The following PRKN variants were observed in gnomAD, a reference collection of about 807,000 sequenced individuals.
The protein encoded by PRKN is parkin RBR E3 ubiquitin protein ligase.
In PRKN, 56 loss-of-function variants were observed where a neutral mutation model predicts 59.5. That is an observed-to-expected ratio of 0.94 (90% CI 0.76 to 1.18). PRKN has a LOEUF of 1.18. PRKN is among the 50% of genes most tolerant of loss of function. The probability of loss-of-function intolerance (pLI) is 0.00; values close to 1 mark genes in which losing one functional copy is unlikely to be tolerated. For missense variants in PRKN, 657 were observed against 596.4 expected, an observed-to-expected ratio of 1.10 and a Z score of -1.06; for synonymous variants, 250 against 222.1, an observed-to-expected ratio of 1.13 and a Z score of -1.12.
chr6:162,442,556 C>T (rs551175777), intron 2 of PRKN, among the ~76,000 whole-genome samples: 129 of 152,288 alleles, frequency 8.5e-4, no homozygotes, highest in Admixed American at 1.5e-3. Context: ...CTAATTCCTA[C>T]AAAAATCACC....
chr6:161,769,531 A>T (rs971968601), intron 7 of PRKN, among the ~76,000 whole-genome samples: 1 of 152,166 alleles, frequency 6.6e-6, no homozygotes, highest in African/African-American at 2.4e-5. Context: ...AGAGGCTGCC[A>T]GATGTCCGCC....
chr6:162,300,401 T>C (rs112231544), intron 2 of PRKN, among the ~76,000 whole-genome samples: 4 of 152,288 alleles, frequency 2.6e-5, no homozygotes, highest in East Asian at 1.9e-4. Context: ...TTAAATATCT[T>C]TGGGAGCTCA....
At chr6:162,547,995 G>A (rs1562374428) in intron 1 of PRKN, among the ~76,000 whole-genome samples, 3 of 152,104 alleles carry the variant, frequency 2.0e-5, no homozygotes, top group South Asian at 4.1e-4. Flanking sequence ...AGCAGGGATC[G>A]AGACACCATT....
intron 8 of PRKN, among the ~76,000 whole-genome samples, chr6:161,556,749 A>G (rs1057146824): frequency 6.6e-6 from 1 of 152,208 alleles, no homozygotes; most frequent in African/African-American, 2.4e-5. Context: ...GCATTTTATA[A>G]ACAGACTAAC....
Position 161,357,141 on chromosome 6 carries a change from T to C in PRKN, c.1285+2947A>G, listed in dbSNP as rs573491353. Among the ~76,000 whole-genome samples the C allele has an allele frequency of 1.4e-5, 2 of 143,672 alleles. No individual in the cohort carries two copies. Among genetic ancestry groups the C allele is most frequent in the East Asian group, 4.3e-4 (2 of 4,656 alleles). The allele number at this position is 143,672 out of a possible 152,430, so 94.3% of individuals were successfully genotyped here. A position where few individuals can be genotyped will look rare whatever the true frequency, so the allele number is the denominator to read the frequency against. ...ATCTCAGCTCACTGCAAATTCCGCCTCCCAGGTTCAAGTAATTCTCCTGCC... is the reference window on the plus strand; with the variant it reads ...ATCTCAGCTCACTGCAAATTCCGCCCCCCAGGTTCAAGTAATTCTCCTGCC... On this transcript the variant is annotated intron_variant, in intron 11 of 11. Coordinates refer to ENST00000366898, the MANE Select transcript of PRKN (RefSeq NM_004562.3). The surrounding 1 kb of genome is among the most constrained non-coding windows in gnomAD (Gnocchi z 5.5).
intron 6 of PRKN, among the ~76,000 whole-genome samples, chr6:161,899,027 G>A (rs370919322): frequency 2.4e-4 from 36 of 152,318 alleles, no homozygotes; most frequent in South Asian, 1.2e-3. Flanking sequence ...CCAAAGCATC[G>A]CTTACTTGAG....
intron 1 of PRKN, among the ~76,000 whole-genome samples, chr6:162,461,824 T>TAAAA (rs72377172): frequency 7.2e-6 from 1 of 139,454 alleles, no homozygotes. Context: ...AGACTTCGTC[T>TAAAA]AAAAAAAAAA....
chr6:162,563,383 G>A (rs963968361), intron 1 of PRKN, among the ~76,000 whole-genome samples: 1 of 151,888 alleles, frequency 6.6e-6, no homozygotes, highest in Admixed American at 6.6e-5. Context: ...TGGTAATCAA[G>A]AGAATTATCA....
chr6:162,295,996 A>G (rs1781657241), intron 2 of PRKN, among the ~76,000 whole-genome samples: 1 of 152,222 alleles, frequency 6.6e-6, no homozygotes, highest in South Asian at 2.1e-4. Flanking sequence ...ATAAAAAGAT[A>G]TATCCCATGA....
intron 6 of PRKN, among the ~76,000 whole-genome samples, chr6:161,962,485 T>G (rs2128248856): frequency 6.6e-6 from 1 of 151,960 alleles, no homozygotes; most frequent in Non-Finnish European, 1.5e-5. Flanking sequence ...ACACAAAGCT[T>G]AACTGTTAAC....
At chr6:161,615,137 T>G (rs1325509049) in intron 7 of PRKN, among the ~76,000 whole-genome samples, 2 of 152,194 alleles carry the variant, frequency 1.3e-5, no homozygotes, top group African/African-American at 2.4e-5. Context: ...CTGTAATTTC[T>G]TTTGCACCAA....
Position 161,372,379 on chromosome 6 carries a change from A to G in PRKN, c.1168-12174T>C, listed in dbSNP as rs1224697040. ...ACTAATAGGATGTGAGAGGGGTCAA[A>G]GCCGACCACAGAGCCTACCTTTTGT... On this transcript the variant is annotated intron_variant, in intron 10 of 11. Transcript: ENST00000366898. The surrounding 1 kb of genome is among the most constrained non-coding windows in gnomAD (Gnocchi z 4.2). Among the ~76,000 whole-genome samples the G allele has an allele frequency of 6.6e-6, 1 of 152,198 alleles. No homozygotes were observed. The highest frequency in any genetic ancestry group is 2.4e-5 in the African/African-American group (1 of 41,450).
chr6:161,445,351 G>A lies in PRKN; in HGVS notation c.1084-58474C>T, dbSNP rs1280332556. Among the ~76,000 whole-genome samples the A allele has an allele frequency of 6.6e-6, 1 of 152,158 alleles. No homozygotes were observed. The highest frequency in any genetic ancestry group is 1.5e-5 in the Non-Finnish European group (1 of 68,032). ...CTTGGGCTGGAATGCAGTTGCTGGGGGCTCATGAGGGGCTCAGTGGTGCCC... is the reference window on the plus strand; with the variant it reads ...CTTGGGCTGGAATGCAGTTGCTGGGAGCTCATGAGGGGCTCAGTGGTGCCC... On this transcript the variant is annotated intron_variant, in intron 9 of 11. Coordinates refer to ENST00000366898, the MANE Select transcript of PRKN (RefSeq NM_004562.3). The surrounding 1 kb of genome is among the most constrained non-coding windows in gnomAD (Gnocchi z 7.7).
intron 6 of PRKN, among the ~76,000 whole-genome samples, chr6:161,870,757 C>T (rs62438264): frequency 0.011 from 1,645 of 152,196 alleles, 13 homozygotes; most frequent in Non-Finnish European, 0.019. Context: ...TATGTGCCAG[C>T]GACAGTGCCA....
At position 161,357,616 on chromosome 6, in the gene PRKN, C is replaced by T. The variant is rs138584967; in HGVS notation, c.1285+2472G>A. Among the ~76,000 whole-genome samples the T allele has an allele frequency of 1.6e-3, 248 of 152,310 alleles. No individual in the cohort carries two copies. Among genetic ancestry groups the T allele is most frequent in the African/African-American group, 5.8e-3 (243 of 41,562 alleles). On this transcript the variant is annotated intron_variant, in intron 11 of 11. Coordinates refer to ENST00000366898, the MANE Select transcript of PRKN (RefSeq NM_004562.3). This position sits in a 1 kb window ranked among gnomAD's most constrained non-coding sequence, Gnocchi z 5.5. ...AGAAAAGCATAAAAAGAAATAAAGTCCTCTTTGGTCCTGTTATGCCTAGAG... is the reference window on the plus strand; with the variant it reads ...AGAAAAGCATAAAAAGAAATAAAGTTCTCTTTGGTCCTGTTATGCCTAGAG...
In PRKN at chr6:161,840,720, CCT is replaced by C. The variant is rs537421176; in HGVS notation, c.735-54814_735-54813del. On this transcript the variant is annotated intron_variant, in intron 6 of 11. Transcript: ENST00000366898. ...AAAATGTGGTATTTGGTTTTCTGTCCCTGTTTTAGTTTGCTAAGGATAATGGC... is the reference window on the plus strand; with the variant it reads ...AAAATGTGGTATTTGGTTTTCTGTCCGTTTTAGTTTGCTAAGGATAATGGC... Among the ~76,000 whole-genome samples the C allele has an allele frequency of 2.2e-3, 328 of 152,190 alleles. 1 individual carries two copies. Among genetic ancestry groups the C allele is most frequent in the African/African-American group, 7.4e-3 (306 of 41,520 alleles).
At position 161,860,962 on chromosome 6, in the gene PRKN, A is replaced by G. The variant is rs184381058; in HGVS notation, c.735-75054T>C. On this transcript the variant is annotated intron_variant, in intron 6 of 11. Coordinates refer to ENST00000366898, the MANE Select transcript of PRKN (RefSeq NM_004562.3). ...CTGGCAAAGCTGTGGAGAAAAAGGAATGCTCTTACACTGTTGGTGGGAGTG... is the reference window on the plus strand; with the variant it reads ...CTGGCAAAGCTGTGGAGAAAAAGGAGTGCTCTTACACTGTTGGTGGGAGTG... 7.2e-4 allele frequency among the ~76,000 whole-genome samples: 109 copies of G among 152,358 alleles called. 1 individual carries two copies. Among genetic ancestry groups the G allele is most frequent in the Non-Finnish European group, 2.6e-4 (18 of 68,036 alleles).
rs1403831821 is a variant in PRKN, at chr6:161,581,558, G to A, written c.872-12142C>T. Among the ~76,000 whole-genome samples the A allele has an allele frequency of 6.6e-6, 1 of 152,236 alleles. No individual in the cohort carries two copies. Among genetic ancestry groups the A allele is most frequent in the African/African-American group, 2.4e-5 (1 of 41,458 alleles). On this transcript the variant is annotated intron_variant, in intron 7 of 11. Transcript: ENST00000366898. The surrounding 1 kb of genome is among the most constrained non-coding windows in gnomAD (Gnocchi z 4.5). ...GAGGATATGCTGAAGTCTGAGGTTT[G>A]AGTCACTGGACAATCAGAAGCAAAG...
At chr6:162,386,439 T>C (rs1401167527) in intron 2 of PRKN, among the ~76,000 whole-genome samples, 47 of 152,242 alleles carry the variant, frequency 3.1e-4, no homozygotes, top group Admixed American at 3.1e-3. Flanking sequence ...TAATGTGAAA[T>C]CTTGTCTCTG....
Sources: gnomAD v4.1 joint callset for allele counts (sites outside exome capture counted in the v4.1 genomes callset) on GRCh38, gnomAD v4.1.1 for gene constraint, Gnocchi (gnomAD v3.1) non-coding constraint, MANE v1.5 for transcripts, NCBI Gene and HGNC (gene_info 2026-07-23, HGNC 2026-07-21) for gene names.